HM13: variants seen among roughly 807,000 people sequenced by gnomAD.
HM13 encodes signal peptide peptidase.
In HM13, 18 loss-of-function variants were observed where a neutral mutation model predicts 50.0. The ratio of observed to expected loss-of-function variants is 0.36; its 90% CI spans 0.25 to 0.53. The LOEUF (loss-of-function observed/expected upper bound fraction) is 0.53. HM13 is among the 20% of genes least tolerant of loss of function. The probability of loss-of-function intolerance (pLI) is 0.90; values close to 1 mark genes in which losing one functional copy is unlikely to be tolerated. For synonymous variants in HM13, 197 were observed against 232.6 expected, an observed-to-expected ratio of 0.85 and a Z score of 1.39; for missense variants, 393 against 552.4, an observed-to-expected ratio of 0.71 and a Z score of 2.89.
At chr20:31,549,752 C>G (rs1281954022) in intron 6 of HM13, among the ~76,000 whole-genome samples, 1 of 152,182 alleles carries the variant, frequency 6.6e-6, no homozygotes, top group Admixed American at 6.5e-5. Flanking sequence ...TTTCCTGGCC[C>G]CAGGCAGCCT....
At chr20:31,569,071 C>G (rs1985106901) in intron 12 of HM13, 49 bp from the exon 13 acceptor site, 2 of 1,339,980 alleles carry the variant, frequency 1.5e-6, no homozygotes, top group African/African-American at 1.5e-5. Flanking sequence ...GTTCTGCTCA[C>G]CCTCTCCTCT....
intron 9 of HM13, among the ~76,000 whole-genome samples, chr20:31,560,149 T>C (rs6120700): frequency 0.3 from 46,321 of 152,124 alleles, 11,526 homozygotes; most frequent in African/African-American, 0.69. Flanking sequence ...TTCAGTCTGT[T>C]GTAGACAGTG....
intron 2 of HM13, among the ~76,000 whole-genome samples, chr20:31,532,156 G>T (rs1417888518): frequency 1.3e-5 from 2 of 151,940 alleles, no homozygotes; most frequent in Non-Finnish European, 2.9e-5. Flanking sequence ...GCCGGGCGCG[G>T]TGGCTCAAGC....
At chr20:31,553,480 A>G (rs1463415261) in intron 7 of HM13, among the ~76,000 whole-genome samples, 1 of 152,108 alleles carries the variant, frequency 6.6e-6, no homozygotes, top group Non-Finnish European at 1.5e-5. Context: ...CTGTGTACAA[A>G]TCATCTAATC....
chr20:31,542,205 G>A (rs1983485965), intron 3 of HM13, among the ~76,000 whole-genome samples: 1 of 152,246 alleles, frequency 6.6e-6, no homozygotes, highest in African/African-American at 2.4e-5. Context: ...GGGATTGGAG[G>A]AAGGCAGGGG....
In HM13 at chr20:31,569,270, G is replaced by A. The variant is rs1172041680; in HGVS notation, c.*51G>A. On this transcript the variant is annotated 3_prime_UTR_variant, in exon 13 of 13. Transcript: ENST00000398174. ...GGCCAGACCAGACAGATGGGGGCTG[G>A]GCCCACACAGGCGTGCACCGGTAGA... 7.8e-7 allele frequency: 1 copy of A among 1,279,664 alleles called. No individual in the cohort carries two copies. Among genetic ancestry groups the A allele is most frequent in the African/African-American group, 1.5e-5 (1 of 64,772 alleles). The allele number at this position is 1,279,664 out of a possible 1,614,324, so 79.3% of individuals were successfully genotyped here. A position where few individuals can be genotyped will look rare whatever the true frequency, so the allele number is the denominator to read the frequency against.
Position 31,549,231 on chromosome 20 carries a change from G to A in HM13, c.565G>A (p.Gly189Ser). 1 of 1,614,152 alleles carries A rather than the reference G, an allele frequency of 6.2e-7. No homozygotes were observed. Among genetic ancestry groups the A allele is most frequent in the Non-Finnish European group, 8.5e-7 (1 of 1,180,026 alleles). Residue 189 changes from glycine to serine, a missense_variant, in exon 6 of 13, where the codon GGC (glycine) becomes AGC (serine). Coordinates refer to ENST00000398174, the MANE Select transcript of HM13 (RefSeq NM_178581.3). ...RKHWIANNLF[G>S]LAFSLNGVEL... ...GCACTGGATTGCCAACAACCTTTTT[G>A]GCCTGGCCTTCTCCCTTAATGGAGT...
intron 2 of HM13, among the ~76,000 whole-genome samples, chr20:31,529,393 G>A (rs532718158): frequency 1.3e-5 from 2 of 151,770 alleles, no homozygotes; most frequent in Admixed American, 1.3e-4. Flanking sequence ...TACAAGGCGT[G>A]CACCACCACA....
At chr20:31,525,162 C>T (rs1020770399) in intron 1 of HM13, among the ~76,000 whole-genome samples, 7 of 152,182 alleles carry the variant, frequency 4.6e-5, no homozygotes, top group Non-Finnish European at 8.8e-5. Context: ...GTGGTGCATG[C>T]CTGTAATCCC....
chr20:31,527,560 T>C lies in HM13; in HGVS notation c.260T>C (p.Leu87Ser). ...CCCATCATCGCCAGCTGCACACTCT[T>C]GGGGCTCTACCTCTTTTTCAAAGTA... ...RFPIIASCTL[L>S]GLYLFFKIFS... The change falls in exon 2 of 13, where the codon TTG becomes TCG. Residue 87 changes from leucine (L) to serine (S), a missense_variant. By Grantham distance (145) the Leu-to-Ser change is moderately radical. This residue lies in a region of HM13 where 214 missense variants were observed against 276.1 expected (regional missense o/e 0.77). Coordinates refer to ENST00000398174, the MANE Select transcript of HM13 (RefSeq NM_178581.3). 6.2e-7 allele frequency: 1 copy of C among 1,613,674 alleles called. No individual in the cohort carries two copies. The highest frequency in any genetic ancestry group is 2.2e-5 in the East Asian group (1 of 44,868).
intron 2 of HM13, among the ~76,000 whole-genome samples, chr20:31,528,957 C>G (rs539243174): frequency 1.3e-5 from 2 of 152,266 alleles, no homozygotes; most frequent in African/African-American, 4.8e-5. Flanking sequence ...ATAATCATAA[C>G]TGTAGTGTTA....
chr20:31,556,910 T>C (rs1319693107), intron 8 of HM13, among the ~76,000 whole-genome samples: 1 of 151,012 alleles, frequency 6.6e-6, no homozygotes, highest in African/African-American at 2.4e-5. Flanking sequence ...TCCCAGCTAC[T>C]CGGGAGGCTG....
At chr20:31,550,758 A>C (rs889812652) in intron 7 of HM13, among the ~76,000 whole-genome samples, 2 of 152,170 alleles carry the variant, frequency 1.3e-5, no homozygotes, top group Admixed American at 1.3e-4. Context: ...CGGGAGGATC[A>C]CTTGAGGCCA....
intron 10 of HM13, among the ~76,000 whole-genome samples, chr20:31,565,009 C>A (rs1482555481): frequency 6.8e-6 from 1 of 148,098 alleles, no homozygotes; most frequent in Non-Finnish European, 1.5e-5. Flanking sequence ...ACTAAAAATA[C>A]AAAAAAATTA....
chr20:31,515,115 G>A (rs1280684412), intron 1 of HM13, among the ~76,000 whole-genome samples: 1 of 152,122 alleles, frequency 6.6e-6, no homozygotes, highest in African/African-American at 2.4e-5. Flanking sequence ...TATACCTGAT[G>A]GATACTGGTC....
chr20:31,550,996 A>G (rs1424119990), intron 7 of HM13, among the ~76,000 whole-genome samples: 6 of 152,192 alleles, frequency 3.9e-5, no homozygotes, highest in Non-Finnish European at 8.8e-5. Context: ...ATATATGTAT[A>G]AATATATATG....
intron 9 of HM13, among the ~76,000 whole-genome samples, chr20:31,560,707 T>G (rs1349709545): frequency 6.6e-6 from 1 of 152,266 alleles, no homozygotes; most frequent in East Asian, 1.9e-4. Flanking sequence ...AGTCTCATTT[T>G]TTAGCCTGGG....
chr20:31,533,304 A>C (rs1463636422), intron 2 of HM13, among the ~76,000 whole-genome samples: 1 of 152,184 alleles, frequency 6.6e-6, no homozygotes, highest in African/African-American at 2.4e-5. Flanking sequence ...GGAGATCAAG[A>C]CCAGCCTAGC....
intron 10 of HM13, chr20:31,563,482 C>T (rs1381667121): frequency 6.6e-6 from 1 of 152,186 alleles, no homozygotes; most frequent in East Asian, 1.9e-4. Flanking sequence ...CACCACCACA[C>T]CCAGCTGATT....
Sources: allele counts gnomAD v4.1 joint callset (sites outside exome capture counted in the v4.1 genomes callset), GRCh38; gene constraint gnomAD v4.1.1; regional missense constraint gnomAD v4.1.1; transcripts MANE v1.5; gene names NCBI Gene and HGNC (gene_info 2026-07-23, HGNC 2026-07-21).